The following FBLN2 variants were observed in gnomAD, a reference collection of about 807,000 sequenced individuals.
FBLN2 encodes fibulin 2, also known as fibulin-2.
Under a neutral mutation model 123.7 loss-of-function variants are expected in FBLN2, and 81 were observed. The observed-to-expected ratio is 0.65, with a 90% confidence interval of 0.55 to 0.79. FBLN2 has a LOEUF of 0.79. Ranked by LOEUF, FBLN2 falls within the 30% of genes least tolerant of loss-of-function variation. FBLN2 has a pLI of 0.00. For synonymous variants in FBLN2, 699 were observed against 701.4 expected (o/e 1.00, Z 0.05); for missense variants, 1,603 against 1,681.3 (o/e 0.95, Z 0.81).
At position 13,608,139 on chromosome 3, in the gene FBLN2, A is replaced by T. The variant is rs1245317664; in HGVS notation, c.1384A>T (p.Ile462Phe). 3 of 1,597,088 alleles carry T rather than the reference A, an allele frequency of 1.9e-6. No homozygotes were observed. The highest frequency in any genetic ancestry group is 8.5e-7 in the Non-Finnish European group (1 of 1,172,008). The part of the protein sequence containing the change: ...WAIDNDECLE[I>F]PESGTEDNVC... ...CATTGACAATGACGAGTGCCTGGAG[A>T]TCCCTGAGAGTGGCACTGAGGACAA... The change falls in exon 3 of 18, where the codon ATC (isoleucine) becomes TTC (phenylalanine). Residue 462 changes from isoleucine to phenylalanine, a missense_variant. Transcript: ENST00000404922.
At chr3:13,609,681 G>C (rs1385952749) in intron 4 of FBLN2, 39 bp downstream of exon 4, 3 of 1,517,068 alleles carry the variant, frequency 2.0e-6, no homozygotes, top group Non-Finnish European at 1.8e-6. Context: ...GGGTGGGGTG[G>C]GGCGGGGCGG....
chr3:13,596,525 A>G (rs565018229), intron 2 of FBLN2, among the ~76,000 whole-genome samples: 51 of 152,296 alleles, frequency 3.3e-4, no homozygotes, highest in Non-Finnish European at 8.8e-5. Flanking sequence ...CAGGGTCACA[A>G]ATTTTTTACA....
At chr3:13,580,324 T>G (rs1384786008) in intron 2 of FBLN2, among the ~76,000 whole-genome samples, 2 of 152,210 alleles carry the variant, frequency 1.3e-5, no homozygotes, top group African/African-American at 4.8e-5. Flanking sequence ...GAGGGTGTAC[T>G]GGATTTTACT....
In FBLN2 at chr3:13,619,861, T is replaced by C. The variant is rs768566610; in HGVS notation, c.2155+30T>C. On this transcript the variant is annotated intron_variant, in intron 8 of 17. Coordinates refer to ENST00000404922, the MANE Select transcript of FBLN2 (RefSeq NM_001004019.2). ...GTGCCTTGGGGTGCCCTCCTACCTG[T>C]GCAAACCTGAGTTGGCCTGTGATGG... The C allele has an allele frequency of 3.8e-6, 6 of 1,574,722 alleles. No individual in the cohort carries two copies. In the Admixed American group the frequency reaches 9.3e-5, roughly 24 times the overall value.
chr3:13,635,783 A>G (rs2124915045), intron 16 of FBLN2, among the ~76,000 whole-genome samples: 2 of 152,270 alleles, frequency 1.3e-5, no homozygotes, highest in South Asian at 4.2e-4. Flanking sequence ...TGGGAATGAG[A>G]AAGACAAACA....
chr3:13,580,320 G>C (rs1704283324), intron 2 of FBLN2, among the ~76,000 whole-genome samples: 1 of 152,150 alleles, frequency 6.6e-6, no homozygotes, highest in African/African-American at 2.4e-5. Context: ...CCTGGAGGGT[G>C]TACTGGATTT....
At chr3:13,596,020 G>C (rs1704829337) in intron 2 of FBLN2, among the ~76,000 whole-genome samples, 1 of 152,162 alleles carries the variant, frequency 6.6e-6, no homozygotes, top group Non-Finnish European at 1.5e-5. Flanking sequence ...GCTTATTAGA[G>C]ATACTATTCA....
At chr3:13,561,428 C>A (rs1703596418) in intron 1 of FBLN2, among the ~76,000 whole-genome samples, 1 of 152,146 alleles carries the variant, frequency 6.6e-6, no homozygotes, top group South Asian at 2.1e-4. Flanking sequence ...TCCCCACCCC[C>A]CCGCCACCTC....
chr3:13,584,815 C>T (rs1704446652), intron 2 of FBLN2, among the ~76,000 whole-genome samples: 1 of 152,222 alleles, frequency 6.6e-6, no homozygotes, highest in Non-Finnish European at 1.5e-5. Context: ...TGAGCAGCCT[C>T]AAGCTCATCT....
chr3:13,554,645 C>T (rs1703415353), intron 1 of FBLN2, among the ~76,000 whole-genome samples: 1 of 116,052 alleles, frequency 8.6e-6, no homozygotes, highest in Non-Finnish European at 1.9e-5. Context: ...TGTCCTCCCT[C>T]ATCTCTGCTC....
At chr3:13,586,375 G>T (rs1704499252) in intron 2 of FBLN2, among the ~76,000 whole-genome samples, 1 of 151,638 alleles carries the variant, frequency 6.6e-6, no homozygotes, top group South Asian at 2.1e-4. Context: ...AGTAGAGACG[G>T]GGTTACACCA....
rs759254847 is a variant in FBLN2 at position 13,570,499 on chromosome 3, G to A, written c.144G>A (p.Ala48=). The change falls in exon 2 of 18, where the codon GCG becomes GCA. Residue 48 remains alanine, a synonymous_variant. Transcript: ENST00000404922. ...CGCTGGAGAACTGCATTGAGGAGGCGCTGGAGCCGGGTGCCTGCTGTGCCA... is the reference window on the plus strand; with the variant it reads ...CGCTGGAGAACTGCATTGAGGAGGCACTGGAGCCGGGTGCCTGCTGTGCCA... The part of the protein sequence containing the change: ...CPPLENCIEE[A]LEPGACCATC... 1.7e-5 allele frequency: 27 copies of A among 1,584,520 alleles called. No individual in the cohort carries two copies. The highest frequency in any genetic ancestry group is 5.8e-5 in the South Asian group (5 of 86,768).
At chr3:13,589,546 G>A (rs1214331396) in intron 2 of FBLN2, among the ~76,000 whole-genome samples, 3 of 152,150 alleles carry the variant, frequency 2.0e-5, no homozygotes, top group African/African-American at 7.2e-5. Flanking sequence ...GGGGAAGGGG[G>A]CTCAGTGAAG....
At chr3:13,589,832 GT>G (rs1282276443) in intron 2 of FBLN2, among the ~76,000 whole-genome samples, 2 of 152,066 alleles carry the variant, frequency 1.3e-5, no homozygotes, top group African/African-American at 4.8e-5. Flanking sequence ...TAGATATTTG[GT>G]TTATTTTTGG....
intron 16 of FBLN2, among the ~76,000 whole-genome samples, chr3:13,635,799 G>A (rs569130660): frequency 3.0e-4 from 46 of 152,314 alleles, no homozygotes; most frequent in African/African-American, 1.1e-3. Context: ...AAACACCCCT[G>A]CCCTCCTGGA....
In FBLN2 at chr3:13,580,663, C is replaced by A. The variant is rs567817439; in HGVS notation, c.1306+9002C>A. ...CTCGTCTGATGGTTCCCCAGTGAGT[C>A]TCACTGGTCACACTCCCACCAACAC... On this transcript the variant is annotated intron_variant, in intron 2 of 17. Coordinates refer to ENST00000404922, the MANE Select transcript of FBLN2 (RefSeq NM_001004019.2). 3.3e-5 allele frequency among the ~76,000 whole-genome samples: 5 copies of A among 152,304 alleles called. No individual in the cohort carries two copies. In the South Asian group the frequency reaches 1.0e-3, roughly 32 times the overall value.
At position 13,636,461 on chromosome 3, in the gene FBLN2, A is replaced by C; in HGVS notation, c.3231A>C (p.Ala1077=). The C allele has an allele frequency of 6.2e-7, 1 of 1,613,680 alleles. No individual in the cohort carries two copies. ...GRSCKDVDEC[A]LGTHNCSEAE... ...CTCCCCCAGACGTGGATGAGTGTGCACTGGGTACCCACAACTGTTCCGAGG... is the reference window on the plus strand; with the variant it reads ...CTCCCCCAGACGTGGATGAGTGTGCCCTGGGTACCCACAACTGTTCCGAGG... Residue 1077 remains alanine (A), a synonymous_variant, in exon 17 of 18, where the codon GCA becomes GCC. Coordinates refer to ENST00000404922, the MANE Select transcript of FBLN2 (RefSeq NM_001004019.2).
chr3:13,585,819 A>G (rs1354846220), intron 2 of FBLN2, among the ~76,000 whole-genome samples: 1 of 152,260 alleles, frequency 6.6e-6, no homozygotes, highest in Non-Finnish European at 1.5e-5. Flanking sequence ...CAAAACAAAA[A>G]GCCTAGCACG....
In FBLN2 at chr3:13,617,143, AATCC is replaced by A. The variant is rs779072153; in HGVS notation, c.1730-901_1730-898del. On this transcript the variant is annotated intron_variant, in intron 5 of 17. Transcript: ENST00000404922. Reference sequence around the variant, plus strand: ...TCATTCATTTGCCCATCCATTCATCAATCCATCCATCCATCCATCCATCCATCCA... The same window carrying A: ...TCATTCATTTGCCCATCCATTCATCAATCCATCCATCCATCCATCCATCCA... Among the ~76,000 whole-genome samples, 27 of 134,630 alleles carry A rather than the reference AATCC, an allele frequency of 2.0e-4. 1 individual carries two copies. In the East Asian group the frequency reaches 2.2e-3, roughly 11 times the overall value. 88.3% of individuals were successfully genotyped at this position (134,630 alleles called of 152,430 possible). A position where few individuals can be genotyped will look rare whatever the true frequency, so the allele number is the denominator to read the frequency against.
Sources: gnomAD v4.1 joint callset for allele counts (sites outside exome capture counted in the v4.1 genomes callset) on GRCh38, gnomAD v4.1.1 for gene constraint, MANE v1.5 for transcripts, NCBI Gene and HGNC (gene_info 2026-07-23, HGNC 2026-07-21) for gene names.